RNF212: variants seen among roughly 807,000 people sequenced by gnomAD.
The protein encoded by RNF212 is probable E3 SUMO-protein ligase RNF212.
Under a neutral mutation model 34.7 loss-of-function variants are expected in RNF212, and 33 were observed. The ratio of observed to expected loss-of-function variants is 0.95; its 90% CI spans 0.72 to 1.27. RNF212 has a LOEUF of 1.27. Among genes scored for constraint, RNF212 ranks in the 50% most tolerant of loss-of-function variants. RNF212 has a pLI of 0.00. For synonymous variants in RNF212, 140 were observed against 136.1 expected (o/e 1.03, Z -0.20); for missense variants, 377 against 362.2 (o/e 1.04, Z -0.33).
downstream of RNF212, among the ~76,000 whole-genome samples, chr4:1,069,159 C>T (rs1560094189): frequency 1.3e-5 from 2 of 150,808 alleles, no homozygotes; most frequent in South Asian, 2.1e-4. Context: ...TGCAGTCAGC[C>T]GAGATTGCAC....
At chr4:1,076,317 G>A (rs1230482887) in intron 8 of RNF212, among the ~76,000 whole-genome samples, 1 of 152,180 alleles carries the variant, frequency 6.6e-6, no homozygotes, top group Non-Finnish European at 1.5e-5. Context: ...CCCTCTGGGC[G>A]GGCCCAGCTG....
chr4:1,092,277 T>C (rs771977056), intron 3 of RNF212, among the ~76,000 whole-genome samples: 1 of 152,240 alleles, frequency 6.6e-6, no homozygotes, highest in Non-Finnish European at 1.5e-5. Flanking sequence ...GATCCTGATT[T>C]GGCAGGGCAG....
upstream of RNF212, chr4:1,113,585 A>G (rs1381430442): frequency 2.3e-5 from 16 of 700,344 alleles, no homozygotes; most frequent in East Asian, 4.2e-4. Context: ...AGTCGACGGC[A>G]GCCCTGCGCC....
At chr4:1,083,683 G>A (rs1450672467) in intron 5 of RNF212, among the ~76,000 whole-genome samples, 1 of 151,644 alleles carries the variant, frequency 6.6e-6, no homozygotes, top group African/African-American at 2.4e-5. Context: ...AACTCAGTGG[G>A]GTTCACTGGC....
At chr4:1,079,769 G>C in intron 7 of RNF212, 81 bp from the exon 8 acceptor site, 1 of 934,222 alleles carries the variant, frequency 1.1e-6, no homozygotes, top group Admixed American at 1.7e-5. Context: ...CACATGACGA[G>C]ATGATGTGTA....
At chr4:1,089,288 G>A (rs1721819492) in intron 4 of RNF212, among the ~76,000 whole-genome samples, 1 of 152,206 alleles carries the variant, frequency 6.6e-6, no homozygotes, top group South Asian at 2.1e-4. Context: ...TGGGTAAAAG[G>A]ATAAATTTAA....
chr4:1,090,616 G>A (rs184268242), intron 4 of RNF212, among the ~76,000 whole-genome samples, 166 bp downstream of exon 4: 1 of 152,268 alleles, frequency 6.6e-6, no homozygotes, highest in African/African-American at 2.4e-5. Flanking sequence ...CAAATAGGCT[G>A]CTCAGAAGGA....
At chr4:1,071,405 T>C (rs1413277804), downstream of RNF212, 1 of 151,936 alleles carries the variant, frequency 6.6e-6, no homozygotes, top group Non-Finnish European at 1.5e-5. Context: ...AGGTAAACAT[T>C]AAAAACTAGA....
chr4:1,076,899 G>A (rs1330897269), intron 8 of RNF212, among the ~76,000 whole-genome samples: 1 of 152,184 alleles, frequency 6.6e-6, no homozygotes, highest in Non-Finnish European at 1.5e-5. Flanking sequence ...TTGAGTAGCT[G>A]TGGACTGTCT....
upstream of RNF212, chr4:1,113,587 C>CT (rs1276246069): frequency 1.9e-3 from 1,323 of 686,666 alleles, 20 homozygotes; most frequent in African/African-American, 0.023. Context: ...TCGACGGCAG[C>CT]CCTGCGCCCG....
At chr4:1,074,641 A>AC (rs1308678276) in intron 8 of RNF212, among the ~76,000 whole-genome samples, 5 of 151,552 alleles carry the variant, frequency 3.3e-5, no homozygotes, top group African/African-American at 9.7e-5. Context: ...GGAAGGACGG[A>AC]CCCCCCTGCT....
At chr4:1,103,906 A>G (rs752588289) in intron 2 of RNF212, among the ~76,000 whole-genome samples, 13 of 152,238 alleles carry the variant, frequency 8.5e-5, no homozygotes, top group Non-Finnish European at 1.8e-4. Context: ...AAGGAAGCGC[A>G]TAAGGAATAG....
At chr4:1,073,984 A>G (rs1348567152) in intron 8 of RNF212, among the ~76,000 whole-genome samples, 1 of 152,158 alleles carries the variant, frequency 6.6e-6, no homozygotes. Context: ...ATGTTAGAGA[A>G]TGTGAAATTC....
intron 3 of RNF212, among the ~76,000 whole-genome samples, chr4:1,064,022 G>GA (rs150873976): frequency 0.1 from 15,382 of 149,374 alleles, 816 homozygotes; most frequent in East Asian, 0.17. Flanking sequence ...TTCAAATATG[G>GA]AAAAAAAAAA....
chr4:1,084,230 C>T (rs1006927394), intron 5 of RNF212, among the ~76,000 whole-genome samples: 2 of 152,098 alleles, frequency 1.3e-5, no homozygotes, highest in African/African-American at 2.4e-5. Context: ...GGATTACAGG[C>T]GTGAGCCACT....
At chr4:1,076,225 T>C (rs546619837) in intron 8 of RNF212, among the ~76,000 whole-genome samples, 2 of 152,278 alleles carry the variant, frequency 1.3e-5, no homozygotes, top group South Asian at 4.1e-4. Flanking sequence ...TAGGCTCTGC[T>C]TCTCCTCCTC....
At chr4:1,078,606 A>C (rs1708543665) in intron 8 of RNF212, among the ~76,000 whole-genome samples, 3 of 152,176 alleles carry the variant, frequency 2.0e-5, no homozygotes, top group Non-Finnish European at 4.4e-5. Flanking sequence ...CTTCTTCAGC[A>C]CTGTTTGTCA....
intron 5 of RNF212, among the ~76,000 whole-genome samples, chr4:1,083,782 C>T (rs1342036844): frequency 6.6e-6 from 1 of 152,006 alleles, no homozygotes; most frequent in African/African-American, 2.4e-5. Context: ...AGGCTGACGT[C>T]GAGGGTGGGG....
Position 1,096,974 on chromosome 4 carries a change from A to T in RNF212, c.172-135T>A, listed in dbSNP as rs661364. The T allele has an allele frequency of 1.4e-3, 999 of 709,756 alleles. 8 individuals carry two copies. In the African/African-American group the frequency reaches 0.015, roughly 11 times the overall value. 44.0% of individuals were successfully genotyped at this position (709,756 alleles called of 1,614,324 possible). A position where few individuals can be genotyped will look rare whatever the true frequency, so the allele number is the denominator to read the frequency against. ...GCCAGCACATTGTGAATGGCCTCTC[A>T]GGGGCCCTGCCAGGGACAGCCTCGA... On this transcript the variant is annotated intron_variant, in intron 2 of 9. Coordinates refer to ENST00000433731, the MANE Select transcript of RNF212 (RefSeq NM_001131034.4).
Sources: gnomAD v4.1 joint callset for allele counts (sites outside exome capture counted in the v4.1 genomes callset) on GRCh38, gnomAD v4.1.1 for gene constraint, MANE v1.5 for transcripts, NCBI Gene and HGNC (gene_info 2026-07-23, HGNC 2026-07-21) for gene names.